The following TTC28 variants were observed in gnomAD, a reference collection of about 807,000 sequenced individuals.
The protein encoded by TTC28 is tetratricopeptide repeat domain 28.
In TTC28, 61 loss-of-function variants were observed where a neutral mutation model predicts 198.0. The observed-to-expected ratio is 0.31, with a 90% CI of 0.25 to 0.38. The LOEUF is 0.38. Ranked by LOEUF, TTC28 falls within the 10% of genes least tolerant of loss-of-function variation. The pLI is 1.00. For synonymous variants in TTC28, 1,171 were observed against 1,297.8 expected (o/e 0.90, Z 2.10); for missense variants, 2,678 against 3,164.0 (o/e 0.85, Z 3.69).
In TTC28 at chr22:28,644,872, G is replaced by A. The variant is rs555867279; in HGVS notation, c.103-15042C>T. On this transcript the variant is annotated intron_variant, in intron 1 of 22. Coordinates refer to ENST00000397906, the MANE Select transcript of TTC28 (RefSeq NM_001145418.2). ...TTTAAATGCTCCAGTTCAGTGGGGCGCGGTGGCTCACCCCTGTAATCCCAA... is the reference window on the plus strand; with the variant it reads ...TTTAAATGCTCCAGTTCAGTGGGGCACGGTGGCTCACCCCTGTAATCCCAA... 7.2e-5 allele frequency among the ~76,000 whole-genome samples: 11 copies of A among 151,960 alleles called. No individual in the cohort carries two copies. In the South Asian group the frequency reaches 1.0e-3, roughly 14 times the overall value.
chr22:28,063,962 G>A (rs923863015), intron 12 of TTC28, among the ~76,000 whole-genome samples: 4 of 152,160 alleles, frequency 2.6e-5, no homozygotes, highest in Non-Finnish European at 5.9e-5. Flanking sequence ...CAGGAGAGCT[G>A]TGTTTTAGGA....
chr22:28,001,827 A>G (rs138655), intron 14 of TTC28: 35,810 of 466,818 alleles, frequency 0.077, 1,618 homozygotes, highest in South Asian at 0.088. Flanking sequence ...GAAGTTCACA[A>G]GAACCTGAAG....
chr22:28,620,518 A>C (rs999433817), intron 2 of TTC28, among the ~76,000 whole-genome samples: 3 of 152,340 alleles, frequency 2.0e-5, no homozygotes, highest in East Asian at 1.9e-4. Flanking sequence ...TTTCAATGGA[A>C]ATTTTAAACA....
intron 2 of TTC28, among the ~76,000 whole-genome samples, chr22:28,334,846 C>A (rs1156496299): frequency 6.6e-6 from 1 of 152,168 alleles, no homozygotes; most frequent in Admixed American, 6.6e-5. Flanking sequence ...TGTGCAGAAG[C>A]TCTTTAGTTT....
chr22:28,026,447 T>A (rs1243762688), intron 13 of TTC28, among the ~76,000 whole-genome samples: 2 of 152,084 alleles, frequency 1.3e-5, no homozygotes, highest in African/African-American at 4.8e-5. Context: ...GCCGGCCCAC[T>A]CCCACCTAGC....
intron 2 of TTC28, among the ~76,000 whole-genome samples, chr22:28,372,251 T>G (rs984124058): frequency 1.4e-4 from 22 of 152,196 alleles, no homozygotes; most frequent in Non-Finnish European, 4.4e-5. Context: ...TTTAAAAAAT[T>G]TAAGAGGTAG....
intron 2 of TTC28, among the ~76,000 whole-genome samples, chr22:28,389,984 C>A (rs1190436130): frequency 1.3e-5 from 2 of 150,750 alleles, no homozygotes; most frequent in Non-Finnish European, 3.0e-5. Context: ...GCATTTAGTG[C>A]TATAAATTTC....
At chr22:28,488,223 C>T (rs2048334985) in intron 2 of TTC28, among the ~76,000 whole-genome samples, 1 of 152,162 alleles carries the variant, frequency 6.6e-6, no homozygotes, top group South Asian at 2.1e-4. Context: ...TGTCTCTGAA[C>T]AATAAATGTA....
chr22:28,601,870 T>C (rs192601884), intron 2 of TTC28, among the ~76,000 whole-genome samples: 7 of 152,128 alleles, frequency 4.6e-5, no homozygotes, highest in East Asian at 1.9e-4. Flanking sequence ...CTGACTGTTA[T>C]ATGTGAAATT....
chr22:28,392,961 C>T (rs1241847338), intron 2 of TTC28, among the ~76,000 whole-genome samples: 3 of 150,380 alleles, frequency 2.0e-5, no homozygotes, highest in Non-Finnish European at 3.0e-5. Flanking sequence ...ACTGCAACCT[C>T]GACCTCCTGG....
chr22:28,105,454 G>T lies in TTC28; in HGVS notation c.3132C>A (p.Gly1044=). ...TCQGRAYGNL[G]LTYESLGTFE... Reference sequence around the variant, plus strand: ...AGGTGCCCAGGGATTCATAAGTCAGGCCCAGGTTCCCATAGGCTCGGCCCT... The same window carrying T: ...AGGTGCCCAGGGATTCATAAGTCAGTCCCAGGTTCCCATAGGCTCGGCCCT... The change falls in exon 8 of 23, where the codon GGC becomes GGA. Residue 1044 remains glycine (G), a synonymous_variant. Coordinates refer to ENST00000397906, the MANE Select transcript of TTC28 (RefSeq NM_001145418.2). 10 of 1,551,632 alleles carry T rather than the reference G, an allele frequency of 6.4e-6. No homozygotes were observed. Among genetic ancestry groups the T allele is most frequent in the Non-Finnish European group, 7.8e-6 (9 of 1,146,972 alleles).
chr22:28,541,378 C>T (rs2049407959), intron 2 of TTC28, among the ~76,000 whole-genome samples: 1 of 152,144 alleles, frequency 6.6e-6, no homozygotes, highest in African/African-American at 2.4e-5. Context: ...GGTCAGAGGT[C>T]AGAGTTAGGA....
Position 28,643,939 on chromosome 22 carries a change from C to T in TTC28, c.103-14109G>A, listed in dbSNP as rs188461051. ...TTATTATCTCTAGTAGGGGAAGAAACAAGGCACAAAAAGGTTAAATAACTT... is the reference window on the plus strand; with the variant it reads ...TTATTATCTCTAGTAGGGGAAGAAATAAGGCACAAAAAGGTTAAATAACTT... On this transcript the variant is annotated intron_variant, in intron 1 of 22. Transcript: ENST00000397906. Among the ~76,000 whole-genome samples the T allele has an allele frequency of 7.9e-5, 12 of 152,200 alleles. No individual in the cohort carries two copies. In the East Asian group the frequency reaches 1.7e-3, roughly 22 times the overall value.
At chr22:28,499,651 T>C (rs2048508451) in intron 2 of TTC28, among the ~76,000 whole-genome samples, 1 of 152,198 alleles carries the variant, frequency 6.6e-6, no homozygotes. Context: ...ACAAATTCAC[T>C]GCTTCTGTCT....
At chr22:28,572,157 A>G (rs1054281550) in intron 2 of TTC28, among the ~76,000 whole-genome samples, 25 of 151,442 alleles carry the variant, frequency 1.7e-4, no homozygotes, top group Non-Finnish European at 2.8e-4. Flanking sequence ...AACATGATGA[A>G]ACCCCATCTC....
chr22:28,567,471 CATACATACATATAT>C (rs1225864127), intron 2 of TTC28, among the ~76,000 whole-genome samples: 7 of 27,102 alleles, frequency 2.6e-4, no homozygotes, highest in African/African-American at 7.3e-4. Flanking sequence ...CACGCATATA[CATACATACATATAT>C]ATATATATAT....
chr22:28,357,315 A>ATTTTTTTTTTTTTTTTTTT (rs11415868), intron 2 of TTC28, among the ~76,000 whole-genome samples: 1 of 113,486 alleles, frequency 8.8e-6, no homozygotes, highest in Non-Finnish European at 1.7e-5. Context: ...CAAATTTCTT[A>ATTTTTTTTTTTTTTTTTTT]TTTTTTTTTT....
At chr22:28,671,680 T>C (rs1273410303) in intron 1 of TTC28, among the ~76,000 whole-genome samples, 1 of 145,188 alleles carries the variant, frequency 6.9e-6, no homozygotes, top group Non-Finnish European at 1.5e-5. Flanking sequence ...GGATTTTGTT[T>C]TCATTTTTTT....
intron 5 of TTC28, among the ~76,000 whole-genome samples, chr22:28,264,092 A>G (rs1275845733): frequency 1.3e-5 from 2 of 152,128 alleles, no homozygotes; most frequent in African/African-American, 4.8e-5. Flanking sequence ...CGCCAGCCAA[A>G]TCTCATCTTG....
Sources: allele counts gnomAD v4.1 joint callset (sites outside exome capture counted in the v4.1 genomes callset), GRCh38; gene constraint gnomAD v4.1.1; transcripts MANE v1.5; gene names NCBI Gene and HGNC (gene_info 2026-07-23, HGNC 2026-07-21).